The following RPS6KA2 variants were observed in gnomAD, a reference collection of about 807,000 sequenced individuals.
The protein encoded by RPS6KA2 is ribosomal protein S6 kinase A2.
RPS6KA2 carries 42 observed loss-of-function variants against 91.8 expected under a neutral mutation model. The ratio of observed to expected loss-of-function variants is 0.46; its 90% CI spans 0.36 to 0.59. RPS6KA2 has a LOEUF of 0.59. Ranked by LOEUF, RPS6KA2 falls within the 20% of genes least tolerant of loss-of-function variation. RPS6KA2 has a pLI of 0.00. For missense variants in RPS6KA2, 798 were observed against 978.5 expected, an observed-to-expected ratio of 0.82 and a Z score of 2.46; for synonymous variants, 414 against 393.6, an observed-to-expected ratio of 1.05 and a Z score of -0.61.
intron 10 of RPS6KA2, among the ~76,000 whole-genome samples, chr6:166,481,736 CGT>C (rs1781226229): frequency 1.5e-4 from 22 of 148,170 alleles, no homozygotes; most frequent in African/African-American, 5.0e-4. Flanking sequence ...GTAGACTGTA[CGT>C]ATACCTCTCT....
At chr6:166,551,100 T>G (rs1410045367) in intron 1 of RPS6KA2, among the ~76,000 whole-genome samples, 1 of 152,160 alleles carries the variant, frequency 6.6e-6, no homozygotes, top group African/African-American at 2.4e-5. Context: ...TTAAGTAGTT[T>G]TCTAGACATA....
intron 2 of RPS6KA2, among the ~76,000 whole-genome samples, chr6:166,750,390 GAC>G (rs1791240831): frequency 6.6e-6 from 1 of 151,736 alleles, no homozygotes; most frequent in African/African-American, 2.4e-5. Context: ...GCACATCTGT[GAC>G]ACACTCCTCC....
At position 166,626,015 on chromosome 6, in the gene RPS6KA2, C is replaced by T. The variant is rs1458029732; in HGVS notation, c.99+906G>A. 1.3e-5 allele frequency among the ~76,000 whole-genome samples: 2 copies of T among 152,160 alleles called. No individual in the cohort carries two copies. Among genetic ancestry groups the T allele is most frequent in the African/African-American group, 2.4e-5 (1 of 41,432 alleles). ...ATTGTTCCAGCTGAAACAAACCAACCAAAACCCCACAGGTGCCAGCCTTGA... is the reference window on the plus strand; with the variant it reads ...ATTGTTCCAGCTGAAACAAACCAACTAAAACCCCACAGGTGCCAGCCTTGA... On this transcript the variant is annotated intron_variant, in intron 1 of 20. Coordinates refer to ENST00000265678, the MANE Select transcript of RPS6KA2 (RefSeq NM_021135.6). This position sits in a 1 kb window ranked among gnomAD's most constrained non-coding sequence, Gnocchi z 4.1.
At position 166,668,158 on chromosome 6, in the gene RPS6KA2, T is replaced by C. The variant is rs577672260; in HGVS notation, c.124-129374A>G. Among the ~76,000 whole-genome samples, 17 of 152,174 alleles carry C rather than the reference T, an allele frequency of 1.1e-4. No individual in the cohort carries two copies. In the East Asian group the frequency reaches 2.9e-3, roughly 26 times the overall value. Reference sequence around the variant, plus strand: ...ACAGGACTGCAATGCCACCGAGCAGTGCAAGCGAGGTTTGGTTTCCCTGAG... The same window carrying C: ...ACAGGACTGCAATGCCACCGAGCAGCGCAAGCGAGGTTTGGTTTCCCTGAG... On this transcript the variant is annotated intron_variant, in intron 2 of 21. Transcript: ENST00000503859.
intron 3 of RPS6KA2, among the ~76,000 whole-genome samples, chr6:166,522,246 A>G (rs1289856830): frequency 6.6e-6 from 1 of 152,282 alleles, no homozygotes; most frequent in African/African-American, 2.4e-5. Flanking sequence ...AGGTTAAGAT[A>G]AAATTAAATT....
In RPS6KA2 at chr6:166,662,445, C is replaced by T. The variant is rs577743702; in HGVS notation, c.124-123661G>A. Among the ~76,000 whole-genome samples the T allele has an allele frequency of 7.2e-5, 11 of 152,216 alleles. No individual in the cohort carries two copies. Among genetic ancestry groups the T allele is most frequent in the Admixed American group, 2.0e-4 (3 of 15,288 alleles). ...TTTAGATATCTGCTTTCTTTGGGGA[C>T]GTAAGAACAGCTCTGCTTGCAAATC... On this transcript the variant is annotated intron_variant, in intron 2 of 21. Transcript: ENST00000503859. This position sits in a 1 kb window ranked among gnomAD's most constrained non-coding sequence, Gnocchi z 4.3.
intron 2 of RPS6KA2, among the ~76,000 whole-genome samples, chr6:166,646,135 C>T (rs1490884666): frequency 2.0e-5 from 3 of 152,182 alleles, no homozygotes; most frequent in Non-Finnish European, 2.9e-5. Context: ...GAACCCATGA[C>T]CCAGGGGTGG....
chr6:166,723,847 G>A (rs567872317), intron 2 of RPS6KA2, among the ~76,000 whole-genome samples: 27 of 151,660 alleles, frequency 1.8e-4, no homozygotes, highest in Middle Eastern at 6.8e-3. Flanking sequence ...TTACAGGCAC[G>A]CGCCACCACG....
intron 2 of RPS6KA2, among the ~76,000 whole-genome samples, chr6:166,816,867 C>A (rs1421022070): frequency 6.6e-6 from 1 of 152,112 alleles, no homozygotes; most frequent in Non-Finnish European, 1.5e-5. Flanking sequence ...AGGTAGTGCT[C>A]CACAGAGCAC....
At chr6:166,815,721 G>A (rs1041221340) in intron 2 of RPS6KA2, among the ~76,000 whole-genome samples, 4 of 152,210 alleles carry the variant, frequency 2.6e-5, no homozygotes, top group African/African-American at 9.6e-5. Context: ...AATTAAAGAG[G>A]AAGAGACAAT....
chr6:166,631,308 G>A (rs1271083913), upstream of RPS6KA2, among the ~76,000 whole-genome samples: 3 of 152,230 alleles, frequency 2.0e-5, no homozygotes, highest in Non-Finnish European at 4.4e-5. Flanking sequence ...CCACAGGCCA[G>A]TTGTACTTGA....
At chr6:166,794,796 A>G (rs1433897968) in intron 2 of RPS6KA2, among the ~76,000 whole-genome samples, 4 of 149,224 alleles carry the variant, frequency 2.7e-5, no homozygotes, top group African/African-American at 9.9e-5. Flanking sequence ...ATAGGTAGGA[A>G]TTGAACAATG....
At chr6:166,649,939 C>T (rs1228703222) in intron 2 of RPS6KA2, among the ~76,000 whole-genome samples, 1 of 152,040 alleles carries the variant, frequency 6.6e-6, no homozygotes, top group Non-Finnish European at 1.5e-5. Flanking sequence ...AACATGATCT[C>T]GATAAGTAGT....
At chr6:166,854,144 C>T (rs1459179002) in intron 2 of RPS6KA2, among the ~76,000 whole-genome samples, 2 of 152,128 alleles carry the variant, frequency 1.3e-5, no homozygotes, top group Non-Finnish European at 1.5e-5. Flanking sequence ...ACACAAACTC[C>T]CCCACATCAC....
chr6:166,838,746 C>CGATGTGGCCATGGAGGT (rs1554262033), intron 2 of RPS6KA2, among the ~76,000 whole-genome samples: 1 of 150,230 alleles, frequency 6.7e-6, no homozygotes, highest in African/African-American at 2.5e-5. Context: ...GGAATCTTGG[C>CGATGTGGCCATGGAGGT]CGCAAAGATA....
chr6:166,558,149 G>GGA (rs71299768), intron 1 of RPS6KA2, among the ~76,000 whole-genome samples: 12,543 of 149,664 alleles, frequency 0.084, 628 homozygotes, highest in Middle Eastern at 0.16. Flanking sequence ...ATGTATGTGG[G>GGA]GAGAGAGAGA....
At chr6:166,815,815 A>G (rs1005762630) in intron 2 of RPS6KA2, among the ~76,000 whole-genome samples, 35 of 152,234 alleles carry the variant, frequency 2.3e-4, no homozygotes, top group African/African-American at 7.7e-4. Context: ...GGAGAGTTTC[A>G]GTACCGCGGA....
At chr6:166,489,825 G>T (rs1781529637) in intron 9 of RPS6KA2, among the ~76,000 whole-genome samples, 1 of 152,084 alleles carries the variant, frequency 6.6e-6, no homozygotes, top group South Asian at 2.1e-4. Flanking sequence ...TGAGCTGGTG[G>T]TGTTTTAGGT....
chr6:166,560,277 A>G (rs1322868003), intron 1 of RPS6KA2, among the ~76,000 whole-genome samples: 6 of 152,220 alleles, frequency 3.9e-5, no homozygotes, highest in African/African-American at 1.4e-4. Flanking sequence ...ACATATTTCA[A>G]TGCGCTTACA....
Sources: allele counts gnomAD v4.1 joint callset (sites outside exome capture counted in the v4.1 genomes callset), GRCh38; gene constraint gnomAD v4.1.1; non-coding constraint Gnocchi (gnomAD v3.1); transcripts MANE v1.5; gene names NCBI Gene and HGNC (gene_info 2026-07-23, HGNC 2026-07-21).